Variants in ITGAL observed in about 807,000 individuals in gnomAD.
ITGAL encodes integrin subunit alpha L, also known as integrin alpha-L.
ITGAL carries 68 observed loss-of-function variants against 138.4 expected under a neutral mutation model. That is an observed-to-expected ratio of 0.49 (90% confidence interval 0.40 to 0.60). The LOEUF is 0.60. Ranked by LOEUF, ITGAL falls within the 20% of genes least tolerant of loss-of-function variation. The pLI, the probability that ITGAL is intolerant of heterozygous loss-of-function variation, is 0.00. For missense variants in ITGAL, 1,256 were observed against 1,478.6 expected, an observed-to-expected ratio of 0.85 and a Z score of 2.47; for synonymous variants, 561 against 584.3, an observed-to-expected ratio of 0.96 and a Z score of 0.57.
At chr16:30,474,485 C>T in intron 2 of ITGAL, 187 bp downstream of exon 2, 1 of 588,366 alleles carries the variant, frequency 1.7e-6, no homozygotes, top group Non-Finnish European at 3.1e-6. Flanking sequence ...AAGCGGGATA[C>T]ACGCGATCAG....
intron 24 of ITGAL, 48 bp from the exon 25 acceptor site, chr16:30,513,723 G>T (rs371861268): frequency 2.1e-6 from 3 of 1,456,052 alleles, no homozygotes; most frequent in East Asian, 2.3e-5. Flanking sequence ...CCTGGAGCCC[G>T]GGTTGCTGTC....
At chr16:30,502,313 C>T (rs1377568635) in intron 17 of ITGAL, among the ~76,000 whole-genome samples, 1 of 141,496 alleles carries the variant, frequency 7.1e-6, no homozygotes. Flanking sequence ...AGGAGAATGG[C>T]ATGAACCCGG....
intron 28 of ITGAL, among the ~76,000 whole-genome samples, chr16:30,518,097 TC>T (rs2051197593): frequency 6.6e-6 from 1 of 152,170 alleles, no homozygotes; most frequent in South Asian, 2.1e-4. Context: ...TATGGATAGT[TC>T]CTGTGTGTTC....
Position 30,521,703 on chromosome 16 carries a change from C to G in ITGAL, c.*38C>G, listed in dbSNP as rs765427136. ...GAGGTGCAGAGTGCCCAGAACTGGA[C>G]TCAGGATGCCCAGGGCCACTCTGCC... On this transcript the variant is annotated 3_prime_UTR_variant, in exon 31 of 31. Coordinates refer to ENST00000356798, the MANE Select transcript of ITGAL (RefSeq NM_002209.3). The G allele has an allele frequency of 1.3e-6, 2 of 1,592,608 alleles. No individual in the cohort carries two copies. The highest frequency in any genetic ancestry group is 1.7e-6 in the Non-Finnish European group (2 of 1,166,696).
At chr16:30,508,362 G>A (rs868299438) in intron 21 of ITGAL, among the ~76,000 whole-genome samples, 39 of 151,534 alleles carry the variant, frequency 2.6e-4, no homozygotes, top group African/African-American at 9.0e-4. Context: ...ACAGGCGCCT[G>A]CCACCACACC....
intron 29 of ITGAL, 55 bp downstream of exon 29, chr16:30,518,774 C>G: frequency 7.4e-7 from 1 of 1,343,268 alleles, no homozygotes; most frequent in South Asian, 1.2e-5. Flanking sequence ...AGCCCAGGAG[C>G]CCCAGGGCAG....
At position 30,514,410 on chromosome 16, in the gene ITGAL, GGGATTACA is replaced by G. The variant is rs537248578; in HGVS notation, c.2862+567_2862+574del. On this transcript the variant is annotated intron_variant, in intron 25 of 30. Transcript: ENST00000356798. ...TCCTACCTCAGCCTCCCAAGTAGCTGGGATTACAGGCATGTGCCACCATGCCCGGCTAA... is the reference window on the plus strand; with the variant it reads ...TCCTACCTCAGCCTCCCAAGTAGCTGGGCATGTGCCACCATGCCCGGCTAA... Among the ~76,000 whole-genome samples the G allele has an allele frequency of 1.8e-4, 27 of 152,064 alleles. 1 individual carries two copies. In the East Asian group the frequency reaches 5.2e-3, roughly 30 times the overall value.
At chr16:30,491,795 C>T (rs891373740) in intron 11 of ITGAL, among the ~76,000 whole-genome samples, 5 of 152,062 alleles carry the variant, frequency 3.3e-5, no homozygotes, top group African/African-American at 1.2e-4. Flanking sequence ...AATGTCCAGC[C>T]TCTTCCCTTT....
chr16:30,494,200 C>T lies in ITGAL; in HGVS notation c.1214-12C>T. The T allele has an allele frequency of 6.3e-7, 1 of 1,587,084 alleles. No individual in the cohort carries two copies. Among genetic ancestry groups the T allele is most frequent in the Non-Finnish European group, 8.6e-7 (1 of 1,161,150 alleles). On this transcript the variant is annotated splice_polypyrimidine_tract_variant and intron_variant, in intron 11 of 30. Transcript: ENST00000356798. The surrounding 1 kb of genome is among the most constrained non-coding windows in gnomAD (Gnocchi z 4.2). ...TGTGTTCCTAACTCCACACCCCACA[C>T]ACTTTCCTCAGGTTACACCGTGACC...
chr16:30,472,764 T>C lies in ITGAL; in HGVS notation c.-74T>C. On this transcript the variant is annotated 5_prime_UTR_variant, in exon 1 of 31. Transcript: ENST00000356798. ...ATGATCATTTTCCTCTTTCACCCTG[T>C]CTAGGTTGCCAGCAAATCCCACGGG... is the stretch of plus-strand genomic sequence containing the variant. 1 of 1,354,386 alleles carries C rather than the reference T, an allele frequency of 7.4e-7. No homozygotes were observed. The highest frequency in any genetic ancestry group is 1.0e-6 in the Non-Finnish European group (1 of 954,230). The allele number at this position is 1,354,386 out of a possible 1,614,324, so 83.9% of individuals were successfully genotyped here.
intron 13 of ITGAL, among the ~76,000 whole-genome samples, 169 bp downstream of exon 13, chr16:30,495,019 T>C (rs192449194): frequency 3.3e-5 from 5 of 152,086 alleles, no homozygotes; most frequent in African/African-American, 9.6e-5. Flanking sequence ...CAGGGTCCAG[T>C]GCCAATATTT....
chr16:30,479,161 G>T lies in ITGAL; in HGVS notation c.398G>T (p.Arg133Leu). 6.2e-7 allele frequency: 1 copy of T among 1,614,064 alleles called. No homozygotes were observed. The highest frequency in any genetic ancestry group is 8.5e-7 in the Non-Finnish European group (1 of 1,180,014). The change falls in exon 5 of 31, where the codon CGC (arginine) becomes CTC (leucine). Residue 133 changes from arginine (R) to leucine (L), a missense_variant. Coordinates refer to ENST00000356798, the MANE Select transcript of ITGAL (RefSeq NM_002209.3). ...CTGAGTGGCCTGTGTTACCTCTTCC[G>T]CCAGAATCTGCAGGGTCCCATGCTG... Reference protein sequence around the residue: ...TYLSGLCYLFRQNLQGPMLQG... With the variant: ...TYLSGLCYLFLQNLQGPMLQG...
chr16:30,520,814 G>T (rs2051241907), intron 30 of ITGAL, among the ~76,000 whole-genome samples: 1 of 152,220 alleles, frequency 6.6e-6, no homozygotes, highest in African/African-American at 2.4e-5. Context: ...GCCGGGTACG[G>T]TGGCTCACAC....
rs2050597855 is a variant in ITGAL at position 30,483,978 on chromosome 16, C to G, written c.855+19C>G. 1 of 1,606,244 alleles carries G rather than the reference C, an allele frequency of 6.2e-7. No homozygotes were observed. The highest frequency in any genetic ancestry group is 1.1e-5 in the South Asian group (1 of 90,910). On this transcript the variant is annotated intron_variant, in intron 8 of 30. Coordinates refer to ENST00000356798, the MANE Select transcript of ITGAL (RefSeq NM_002209.3). ...CATCGGGGTAGGGCCCCTGCTGCTT[C>G]CTGCATCATATCTTCCCTCTCCTCT...
At chr16:30,511,321 T>C (rs989666796) in intron 24 of ITGAL, among the ~76,000 whole-genome samples, 185 bp downstream of exon 24, 1 of 152,182 alleles carries the variant, frequency 6.6e-6, no homozygotes, top group Non-Finnish European at 1.5e-5. Flanking sequence ...GTGAGGGCCA[T>C]GGAAGAGCTC....
At position 30,504,218 on chromosome 16, in the gene ITGAL, A is replaced by G. The variant is rs1322919965; in HGVS notation, c.2189A>G (p.Asn730Ser). 6.2e-7 allele frequency: 1 copy of G among 1,613,710 alleles called. No individual in the cohort carries two copies. The highest frequency in any genetic ancestry group is 8.5e-7 in the Non-Finnish European group (1 of 1,179,768). ...DLISPINVSLNFSLWEEEGTP... is the reference protein window; with the variant it reads ...DLISPINVSLSFSLWEEEGTP... Reference sequence around the variant, plus strand: ...ATCTCCCCCATCAATGTTTCCCTGAATTTCTCTCTTTGGGAGGAGGAAGGG... The same window carrying G: ...ATCTCCCCCATCAATGTTTCCCTGAGTTTCTCTCTTTGGGAGGAGGAAGGG... Residue 730 changes from asparagine to serine, a missense_variant, in exon 18 of 31, where the codon AAT (asparagine) becomes AGT (serine). Asn to Ser is a conservative substitution (Grantham distance 46). Coordinates refer to ENST00000356798, the MANE Select transcript of ITGAL (RefSeq NM_002209.3).
At chr16:30,513,747 A>G (rs1195135643) in intron 24 of ITGAL, 24 bp from the exon 25 acceptor site, 3 of 1,598,914 alleles carry the variant, frequency 1.9e-6, no homozygotes, top group Admixed American at 3.3e-5. Flanking sequence ...TCGTTCTTCC[A>G]TCGCTGCCCT....
chr16:30,474,857 T>C (rs1597059021), intron 2 of ITGAL, among the ~76,000 whole-genome samples: 2 of 129,104 alleles, frequency 1.5e-5, no homozygotes, highest in East Asian at 1.2e-3. Context: ...TTTTTTTTTT[T>C]TTCTTTTTTT....
intron 25 of ITGAL, among the ~76,000 whole-genome samples, chr16:30,514,510 C>T (rs893739024): frequency 6.1e-4 from 61 of 100,212 alleles, no homozygotes; most frequent in Non-Finnish European, 2.3e-4. Context: ...CTCCTGACCT[C>T]GTGATCTTCC....
Sources: allele counts gnomAD v4.1 joint callset (sites outside exome capture counted in the v4.1 genomes callset), GRCh38; gene constraint gnomAD v4.1.1; non-coding constraint Gnocchi (gnomAD v3.1); transcripts MANE v1.5; gene names NCBI Gene and HGNC (gene_info 2026-07-23, HGNC 2026-07-21).